PABPN1L: variants seen among roughly 807,000 people sequenced by gnomAD.
PABPN1L encodes the protein embryonic polyadenylate-binding protein 2.
In PABPN1L, 45 loss-of-function variants were observed where a neutral mutation model predicts 34.0. The ratio of observed to expected loss-of-function variants is 1.32; its 90% CI spans 1.04 to 1.70. The LOEUF (loss-of-function observed/expected upper bound fraction) is 1.70. PABPN1L is among the 40% of genes most tolerant of loss of function. PABPN1L has a pLI of 0.00. For synonymous variants in PABPN1L, 182 were observed against 152.1 expected (o/e 1.20, Z -1.45); for missense variants, 459 against 367.8 (o/e 1.25, Z -2.03).
Position 88,864,361 on chromosome 16 carries a change from T to C in PABPN1L, c.673A>G (p.Asn225Asp), listed in dbSNP as rs770312100. 5.1e-6 allele frequency: 8 copies of C among 1,555,978 alleles called. No homozygotes were observed. The highest frequency in any genetic ancestry group is 7.0e-6 in the Non-Finnish European group (8 of 1,149,648). Residue 225 changes from asparagine (N) to aspartate (D), a missense_variant, in exon 6 of 7, where the codon AAC becomes GAC. Transcript: ENST00000419291. ...TCTGTGGAGCTGATCCCAGGGAAGT[T>C]GGTTCTTTTCGGCAGCACCTGGAGC...
chr16:88,864,569 GA>G (rs1053830502), intron 5 of PABPN1L, among the ~76,000 whole-genome samples, 190 bp from the exon 6 acceptor site: 65 of 131,898 alleles, frequency 4.9e-4, no homozygotes, highest in Admixed American at 1.5e-3. Flanking sequence ...CACCCCTGCA[GA>G]GGGGGGGGTC....
upstream of PABPN1L, among the ~76,000 whole-genome samples, chr16:88,867,324 T>G (rs1265068963): frequency 7.9e-5 from 12 of 151,634 alleles, no homozygotes; most frequent in African/African-American, 2.7e-4. Context: ...GCCTCCCAGG[T>G]TCGGGTGATT....
chr16:88,867,277 G>A (rs1339882623), upstream of PABPN1L, among the ~76,000 whole-genome samples: 1 of 151,460 alleles, frequency 6.6e-6, no homozygotes, highest in Non-Finnish European at 1.5e-5. Flanking sequence ...GCCAAGTCTG[G>A]AGTGCGGTGG....
intron 2 of PABPN1L, 59 bp downstream of exon 2, chr16:88,865,747 T>C (rs911460959): frequency 1.3e-5 from 21 of 1,562,054 alleles, no homozygotes; most frequent in Admixed American, 1.8e-5. Flanking sequence ...AGGCCCAACC[T>C]TAATGGAAAC....
chr16:88,863,762 C>T lies in PABPN1L; in HGVS notation c.831G>A (p.Pro277=), dbSNP rs754129649. Residue 277 remains proline (P), a synonymous_variant, in exon 7 of 7, where the codon CCG becomes CCA. Transcript: ENST00000419291. ...TCAAAATCGGGTCTTCCCTTTAATA[C>T]GGTGAAAACCATGGTGAGAATTTTC... 107 of 1,535,956 alleles carry T rather than the reference C, an allele frequency of 7.0e-5. 2 individuals are homozygous for T. Among genetic ancestry groups the T allele is most frequent in the Middle Eastern group, 6.7e-4 (4 of 6,008 alleles).
chr16:88,866,698 C>T (rs1968613002), upstream of PABPN1L: 18 of 1,432,480 alleles, frequency 1.3e-5, no homozygotes, highest in African/African-American at 2.9e-5. Flanking sequence ...GAGTTTTAAG[C>T]CCTCCCCTGA....
exon 2 of PABPN1L, chr16:88,865,938 G>A (rs1332899395): frequency 1.2e-6 from 2 of 1,605,870 alleles, no homozygotes. Context: ...ATGGCCTCCA[G>A]CTCCTGCCGA....
intron 3 of PABPN1L, 105 bp from the exon 4 acceptor site, chr16:88,865,233 G>A: frequency 7.9e-7 from 1 of 1,261,718 alleles, no homozygotes; most frequent in South Asian, 1.4e-5. Context: ...CCCCGTGGCG[G>A]GGATGGCCCC....
At chr16:88,866,888 G>A (rs531121996), upstream of PABPN1L, among the ~76,000 whole-genome samples, 40 of 152,232 alleles carry the variant, frequency 2.6e-4, no homozygotes, top group African/African-American at 6.8e-4. Context: ...GCCTGGCCAC[G>A]CTGTGGCTCA....
At chr16:88,863,698 A>G in exon 7 of PABPN1L, 1 of 1,522,326 alleles carries the variant, frequency 6.6e-7, no homozygotes, top group Non-Finnish European at 8.8e-7. Context: ...AGGATGGAGC[A>G]CAAGTGGTTT....
chr16:88,863,710 C>A (rs1968503605), exon 7 of PABPN1L: 1 of 1,532,574 alleles, frequency 6.5e-7, no homozygotes, highest in Non-Finnish European at 8.7e-7. Context: ...AAGTGGTTTA[C>A]TCCTGATCCA....
At chr16:88,867,921 C>A (rs1342420214), upstream of PABPN1L, among the ~76,000 whole-genome samples, 1 of 152,204 alleles carries the variant, frequency 6.6e-6, no homozygotes, top group Non-Finnish European at 1.5e-5. Context: ...CAGCTCCTAC[C>A]CCCAGGCCGA....
chr16:88,867,384 T>A (rs538635867), upstream of PABPN1L, among the ~76,000 whole-genome samples: 1 of 152,106 alleles, frequency 6.6e-6, no homozygotes, highest in Non-Finnish European at 1.5e-5. Flanking sequence ...CCTGCCACCA[T>A]GCCCAGCTAA....
chr16:88,864,877 G>C (rs1464997981), exon 5 of PABPN1L: 1 of 1,611,168 alleles, frequency 6.2e-7, no homozygotes, highest in Non-Finnish European at 8.5e-7. Flanking sequence ...CCCGGAAGAG[G>C]CTCTGGTCCA....
Position 88,865,129 on chromosome 16 carries a change from C to A in PABPN1L, c.460-1G>T. ...CCTCGGCGGAGCCCCCGTAGTCCAC[C>A]TGCACCCAGGCCCAGACCAGCATGT... On this transcript the variant is annotated splice_acceptor_variant, in intron 3 of 6. Transcript: ENST00000419291. LOFTEE classifies it high-confidence loss of function. 1 of 1,566,408 alleles carries A rather than the reference C, an allele frequency of 6.4e-7. No individual in the cohort carries two copies. The highest frequency in any genetic ancestry group is 1.9e-5 in the Admixed American group (1 of 53,622).
At chr16:88,868,646 T>A (rs1270173445), upstream of PABPN1L, among the ~76,000 whole-genome samples, 1 of 151,984 alleles carries the variant, frequency 6.6e-6, no homozygotes, top group Non-Finnish European at 1.5e-5. Flanking sequence ...TTGGAGACTT[T>A]TATACTTAAA....
chr16:88,869,888 A>G (rs1968665918), upstream of PABPN1L, among the ~76,000 whole-genome samples: 1 of 152,002 alleles, frequency 6.6e-6, no homozygotes, highest in African/African-American at 2.4e-5. Flanking sequence ...TTCCAGTGAC[A>G]CTCTTCAAAT....
chr16:88,869,758 C>T (rs137857894), upstream of PABPN1L, among the ~76,000 whole-genome samples: 334 of 152,362 alleles, frequency 2.2e-3, 2 homozygotes, highest in African/African-American at 7.6e-3. Flanking sequence ...CCTCTGAGCT[C>T]GGGCCCCGGC....
chr16:88,866,572 G>C (rs563722276), exon 1 of PABPN1L: 1 of 1,553,420 alleles, frequency 6.4e-7, no homozygotes, highest in African/African-American at 1.4e-5. Context: ...CTGAGTCGGG[G>C]GTGGGAAGAG....
Sources: gnomAD v4.1 joint callset for allele counts (sites outside exome capture counted in the v4.1 genomes callset) on GRCh38, gnomAD v4.1.1 for gene constraint, MANE v1.5 for transcripts, NCBI Gene and HGNC (gene_info 2026-07-23, HGNC 2026-07-21) for gene names.